Variants in DSCAML1 observed in about 807,000 individuals in gnomAD.
DSCAML1 encodes the protein DS cell adhesion molecule like 1.
DSCAML1 carries 38 observed loss-of-function variants against 200.5 expected under a neutral mutation model. That is an observed-to-expected ratio of 0.19 (90% confidence interval 0.15 to 0.25). The LOEUF is 0.25. Ranked by LOEUF, DSCAML1 falls within the 10% of genes least tolerant of loss-of-function variation. DSCAML1 has a pLI of 1.00. For synonymous variants in DSCAML1, 1,215 were observed against 1,165.0 expected (o/e 1.04, Z -0.87); for missense variants, 2,223 against 2,858.8 (o/e 0.78, Z 5.07).
chr11:117,607,271 G>T (rs376487544), intron 3 of DSCAML1, among the ~76,000 whole-genome samples: 2 of 152,318 alleles, frequency 1.3e-5, no homozygotes, highest in African/African-American at 4.8e-5. Flanking sequence ...GGACATGCTT[G>T]ACAGGAAGCG....
intron 1 of DSCAML1, among the ~76,000 whole-genome samples, chr11:117,810,210 C>T (rs1177829878): frequency 6.6e-6 from 1 of 150,504 alleles, no homozygotes; most frequent in Non-Finnish European, 1.5e-5. Flanking sequence ...CACGTGGACC[C>T]AAAACTCCGT....
intron 11 of DSCAML1, among the ~76,000 whole-genome samples, chr11:117,488,073 G>A (rs565007501): frequency 3.1e-4 from 47 of 151,738 alleles, no homozygotes; most frequent in East Asian, 7.7e-4. Context: ...TTGCAGATGG[G>A]CGCTTTCAGC....
intron 3 of DSCAML1, among the ~76,000 whole-genome samples, chr11:117,737,754 C>G (rs2054345285): frequency 6.6e-6 from 1 of 152,138 alleles, no homozygotes; most frequent in Admixed American, 6.5e-5. Context: ...GAGATACATT[C>G]GCGGAGGGGT....
chr11:117,809,008 G>A (rs1591526249), intron 1 of DSCAML1, among the ~76,000 whole-genome samples: 1 of 152,142 alleles, frequency 6.6e-6, no homozygotes, highest in African/African-American at 2.4e-5. Context: ...CCAAGCTCAC[G>A]CCCACGCCTG....
intron 3 of DSCAML1, among the ~76,000 whole-genome samples, chr11:117,547,674 G>A (rs557614341): frequency 1.1e-4 from 16 of 152,324 alleles, no homozygotes; most frequent in South Asian, 8.3e-4. Flanking sequence ...CTCTGCTGCC[G>A]TTTAGCAAGC....
intron 1 of DSCAML1, among the ~76,000 whole-genome samples, chr11:117,806,388 A>C (rs2055707457): frequency 6.6e-6 from 1 of 152,224 alleles, no homozygotes; most frequent in Non-Finnish European, 1.5e-5. Context: ...GGCACATGGC[A>C]GTTCAGAGCT....
intron 21 of DSCAML1, among the ~76,000 whole-genome samples, chr11:117,442,448 TAA>T (rs941313387): frequency 4.6e-5 from 7 of 152,020 alleles, no homozygotes; most frequent in Admixed American, 3.3e-4. Flanking sequence ...TCTGTGTGTA[TAA>T]GTGTGTGCGC....
chr11:117,514,431 T>G (rs776011482), intron 8 of DSCAML1, among the ~76,000 whole-genome samples: 1 of 151,938 alleles, frequency 6.6e-6, no homozygotes, highest in Non-Finnish European at 1.5e-5. Flanking sequence ...AGGCAGAGCA[T>G]GGAGCAAACG....
rs35130897 is a variant in DSCAML1 at position 117,539,606 on chromosome 11, C to CAAAAAAAAAAAAAA, written c.512-7098_512-7085dup. On this transcript the variant is annotated intron_variant, in intron 3 of 32. Transcript: ENST00000651296. Reference sequence around the variant, plus strand: ...CTGGGCAACAAGAGTAAAACTCTGTCAAAAAAAAAAAAAAAAAAAAAAAAG... The same window carrying CAAAAAAAAAAAAAA: ...CTGGGCAACAAGAGTAAAACTCTGTCAAAAAAAAAAAAAAAAAAAAAAAAAAAAAAAAAAAAAAG... 7.8e-4 allele frequency among the ~76,000 whole-genome samples: 41 copies of CAAAAAAAAAAAAAA among 52,600 alleles called. 1 individual carries two copies. Among genetic ancestry groups the CAAAAAAAAAAAAAA allele is most frequent in the African/African-American group, 2.3e-3 (29 of 12,348 alleles). 34.5% of individuals were successfully genotyped at this position (52,600 alleles called of 152,430 possible). A position where few individuals can be genotyped will look rare whatever the true frequency, so the allele number is the denominator to read the frequency against.
At chr11:117,752,699 A>T (rs139707819) in intron 3 of DSCAML1, among the ~76,000 whole-genome samples, 6 of 152,322 alleles carry the variant, frequency 3.9e-5, no homozygotes, top group African/African-American at 1.4e-4. Context: ...TCTGCTAAGA[A>T]CTGTTTCTTC....
chr11:117,444,293 G>A (rs1003633460), intron 20 of DSCAML1, among the ~76,000 whole-genome samples: 1 of 152,180 alleles, frequency 6.6e-6, no homozygotes, highest in Non-Finnish European at 1.5e-5. Flanking sequence ...ACTGATCCAC[G>A]CTCTGGCAGC....
At chr11:117,529,820 G>A (rs555793929) in intron 4 of DSCAML1, among the ~76,000 whole-genome samples, 1 of 152,168 alleles carries the variant, frequency 6.6e-6, no homozygotes, top group South Asian at 2.1e-4. Flanking sequence ...AAGTGCAATG[G>A]GGAGGGGCGG....
chr11:117,449,041 T>C (rs2048234082), intron 20 of DSCAML1, among the ~76,000 whole-genome samples: 1 of 152,118 alleles, frequency 6.6e-6, no homozygotes, highest in African/African-American at 2.4e-5. Context: ...GAAGAATGAA[T>C]GAGCTATAAC....
chr11:117,560,732 A>G (rs578065865), intron 3 of DSCAML1, among the ~76,000 whole-genome samples: 3 of 152,304 alleles, frequency 2.0e-5, no homozygotes, highest in South Asian at 2.1e-4. Context: ...AAAAATTGGC[A>G]TAACATCCTG....
At chr11:117,711,549 G>A (rs1022841153) in intron 3 of DSCAML1, among the ~76,000 whole-genome samples, 7 of 152,174 alleles carry the variant, frequency 4.6e-5, no homozygotes, top group East Asian at 3.9e-4. Context: ...CCGGGGACAT[G>A]TCTGGCAGTT....
rs1178678815 is a variant in DSCAML1, at chr11:117,537,687, T to C, written c.512-5165A>G. On this transcript the variant is annotated intron_variant, in intron 3 of 32. Coordinates refer to ENST00000651296, the MANE Select transcript of DSCAML1 (RefSeq NM_020693.4). Reference sequence around the variant, plus strand: ...GCCCTGAGTTCTAATAAGACTAGTGTTCGTCTAAGAAGAGGGCGATCTGGA... The same window carrying C: ...GCCCTGAGTTCTAATAAGACTAGTGCTCGTCTAAGAAGAGGGCGATCTGGA... 4.6e-5 allele frequency among the ~76,000 whole-genome samples: 7 copies of C among 152,324 alleles called. No homozygotes were observed. The East Asian group carries it at 1.3e-3, about 29-fold the overall frequency.
At chr11:117,688,434 G>A (rs528018724) in intron 3 of DSCAML1, among the ~76,000 whole-genome samples, 1 of 152,206 alleles carries the variant, frequency 6.6e-6, no homozygotes, top group African/African-American at 2.4e-5. Context: ...AAGGATAGGG[G>A]AGAGAAGCAG....
At chr11:117,551,034 G>A (rs2050458716) in intron 3 of DSCAML1, among the ~76,000 whole-genome samples, 1 of 152,104 alleles carries the variant, frequency 6.6e-6, no homozygotes, top group Non-Finnish European at 1.5e-5. Flanking sequence ...GGGGGCAGGG[G>A]TCAGGCAATT....
chr11:117,615,434 A>C (rs1330645641), intron 3 of DSCAML1, among the ~76,000 whole-genome samples: 1 of 152,146 alleles, frequency 6.6e-6, no homozygotes, highest in Non-Finnish European at 1.5e-5. Context: ...GACCAGAACC[A>C]GTTTATTTTC....
Sources: gnomAD v4.1 joint callset for allele counts (sites outside exome capture counted in the v4.1 genomes callset) on GRCh38, gnomAD v4.1.1 for gene constraint, MANE v1.5 for transcripts, NCBI Gene and HGNC (gene_info 2026-07-23, HGNC 2026-07-21) for gene names.